Variants in CNTNAP4 observed in about 807,000 individuals in gnomAD.
The protein encoded by CNTNAP4 is contactin associated protein family member 4, also known as contactin-associated protein-like 4.
CNTNAP4 carries 98 observed loss-of-function variants against 148.4 expected under a neutral mutation model. That is an observed-to-expected ratio of 0.66 (90% CI 0.56 to 0.78). The LOEUF (loss-of-function observed/expected upper bound fraction) is 0.78. Among genes scored for constraint, CNTNAP4 ranks in the 30% least tolerant of loss-of-function variants. The pLI is 0.00. For missense variants in CNTNAP4, 1,935 were observed against 1,565.6 expected (o/e 1.24, Z -3.98); for synonymous variants, 730 against 565.1 (o/e 1.29, Z -4.14).
At position 76,467,627 on chromosome 16, in the gene CNTNAP4, T is replaced by A. The variant is rs192413694; in HGVS notation, c.1655+104T>A. The A allele has an allele frequency of 4.3e-6, 4 of 935,810 alleles. No individual in the cohort carries two copies. The Admixed American group carries it at 9.5e-5, about 22-fold the overall frequency. The allele number at this position is 935,810 out of a possible 1,614,324, so 58.0% of individuals were successfully genotyped here. A position where few individuals can be genotyped will look rare whatever the true frequency, so the allele number is the denominator to read the frequency against. Reference sequence around the variant, plus strand: ...TATTCTTTCCTCTTCCCCATTCTTATCTGTTCCACAGGAAATGAATTATAT... The same window carrying A: ...TATTCTTTCCTCTTCCCCATTCTTAACTGTTCCACAGGAAATGAATTATAT... On this transcript the variant is annotated intron_variant, in intron 10 of 23. Coordinates refer to ENST00000611870, the MANE Select transcript of CNTNAP4 (RefSeq NM_033401.5).
At chr16:76,359,040 CCTGT>C (rs1597311067) in intron 3 of CNTNAP4, among the ~76,000 whole-genome samples, 2 of 152,086 alleles carry the variant, frequency 1.3e-5, no homozygotes, top group African/African-American at 4.8e-5. Flanking sequence ...TGAATTGTGC[CCTGT>C]CTCTTGACTT....
intron 11 of CNTNAP4, among the ~76,000 whole-genome samples, chr16:76,476,309 T>G (rs963014218): frequency 6.6e-6 from 1 of 152,250 alleles, no homozygotes; most frequent in African/African-American, 2.4e-5. Context: ...TTTTGTTATC[T>G]TGTTCTGTTA....
intron 17 of CNTNAP4, among the ~76,000 whole-genome samples, chr16:76,525,638 C>T (rs925578164): frequency 7.4e-6 from 1 of 135,556 alleles, no homozygotes; most frequent in Non-Finnish European, 1.6e-5. Context: ...TTTATAACTA[C>T]ATATAAACTA....
chr16:76,353,643 C>T (rs891885228), intron 2 of CNTNAP4, among the ~76,000 whole-genome samples: 4 of 152,060 alleles, frequency 2.6e-5, no homozygotes, highest in Non-Finnish European at 5.9e-5. Context: ...CCAAGCCTAG[C>T]TAGCTAGCCC....
At chr16:76,485,684 G>A (rs979149642) in intron 12 of CNTNAP4, among the ~76,000 whole-genome samples, 8 of 152,280 alleles carry the variant, frequency 5.3e-5, no homozygotes, top group South Asian at 4.1e-4. Context: ...AGTACCCCAG[G>A]TGATTCTGAG....
Position 76,538,144 on chromosome 16 carries a change from A to C in CNTNAP4, c.3024A>C (p.Ser1008=). ...TTTCTGCATATTTTGGATCTGGCTC[A>C]TCCGTGATATACAATTTTCAAGAAA... ...NEISAYFGSG[S]SVIYNFQENY... is the part of the protein sequence containing the mutation. The change falls in exon 19 of 24, where the codon TCA becomes TCC. Residue 1008 remains serine (S), a synonymous_variant. Transcript: ENST00000611870. The C allele has an allele frequency of 6.4e-7, 1 of 1,561,492 alleles. No individual in the cohort carries two copies. Among genetic ancestry groups the C allele is most frequent in the Non-Finnish European group, 8.7e-7 (1 of 1,155,170 alleles).
In CNTNAP4 at chr16:76,447,340, A is replaced by G. The variant is rs531531517; in HGVS notation, c.539-672A>G. 8.1e-5 allele frequency among the ~76,000 whole-genome samples: 9 copies of G among 110,448 alleles called. No homozygotes were observed. In the South Asian group the frequency reaches 2.2e-3, roughly 28 times the overall value. The allele number at this position is 110,448 out of a possible 152,430, so 72.5% of individuals were successfully genotyped here. On this transcript the variant is annotated intron_variant, in intron 4 of 23. Transcript: ENST00000611870. ...AAAAATTATATATATGAAATTATGT[A>G]TATATATATATGAAATTATATATAT...
chr16:76,553,159 A>T, intron 21 of CNTNAP4, 124 bp from the exon 22 acceptor site: 2 of 589,244 alleles, frequency 3.4e-6, no homozygotes, highest in East Asian at 5.6e-5. Flanking sequence ...TTTAGTAAAG[A>T]TAAAATTAAA....
intron 2 of CNTNAP4, among the ~76,000 whole-genome samples, chr16:76,321,204 G>A (rs1483900065): frequency 6.6e-6 from 1 of 152,150 alleles, no homozygotes; most frequent in African/African-American, 2.4e-5. Context: ...TTAAAATCAA[G>A]CACTTATCTG....
At chr16:76,475,012 G>T (rs1440799824) in intron 10 of CNTNAP4, among the ~76,000 whole-genome samples, 1 of 152,088 alleles carries the variant, frequency 6.6e-6, no homozygotes, top group African/African-American at 2.4e-5. Context: ...TCAGACTCCA[G>T]AGCCAGGCGT....
intron 1 of CNTNAP4, among the ~76,000 whole-genome samples, chr16:76,311,407 A>G (rs1033776615): frequency 6.6e-6 from 1 of 152,124 alleles, no homozygotes; most frequent in African/African-American, 2.4e-5. Context: ...TTTCTGAGAT[A>G]TTGAACGGAA....
chr16:76,539,747 T>A lies in CNTNAP4; in HGVS notation c.3249T>A (p.Asn1083Lys), dbSNP rs557491130. The A allele has an allele frequency of 8.1e-6, 13 of 1,600,034 alleles. No homozygotes were observed. Among genetic ancestry groups the A allele is most frequent in the Middle Eastern group, 1.7e-4 (1 of 5,934 alleles). ...NGSLQIRYKL[N>K]KYQEPDVVNF... Reference sequence around the variant, plus strand: ...GTTTGCAGATCAGGTACAAGTTAAATAAATATCAAGAGCCTGATGTTGTTA... The same window carrying A: ...GTTTGCAGATCAGGTACAAGTTAAAAAAATATCAAGAGCCTGATGTTGTTA... The change falls in exon 20 of 24, where the codon AAT becomes AAA. Residue 1083 changes from asparagine (N) to lysine (K), a missense_variant. Asn to Lys is a moderately conservative substitution (Grantham distance 94). Transcript: ENST00000611870.
intron 3 of CNTNAP4, among the ~76,000 whole-genome samples, chr16:76,366,699 C>T (rs938230565): frequency 1.3e-5 from 2 of 152,002 alleles, no homozygotes; most frequent in African/African-American, 4.8e-5. Flanking sequence ...GAGGAATTGC[C>T]ATACTGCTTT....
intron 15 of CNTNAP4, among the ~76,000 whole-genome samples, chr16:76,499,167 A>G (rs2082528970): frequency 1.3e-5 from 2 of 149,836 alleles, no homozygotes; most frequent in Non-Finnish European, 2.9e-5. Flanking sequence ...TCCTGGATTC[A>G]CGCCATTCTC....
intron 3 of CNTNAP4, among the ~76,000 whole-genome samples, chr16:76,366,177 G>T (rs143861961): frequency 6.6e-6 from 1 of 152,182 alleles, no homozygotes; most frequent in East Asian, 1.9e-4. Flanking sequence ...AGGGATACAT[G>T]TGCAGGTTTG....
chr16:76,368,057 A>G (rs2014366684), intron 3 of CNTNAP4, among the ~76,000 whole-genome samples: 1 of 152,192 alleles, frequency 6.6e-6, no homozygotes, highest in Non-Finnish European at 1.5e-5. Flanking sequence ...AATTAGCTGC[A>G]AAGTATGAGA....
At chr16:76,326,559 C>T (rs1299456283) in intron 2 of CNTNAP4, among the ~76,000 whole-genome samples, 16 of 152,066 alleles carry the variant, frequency 1.1e-4, no homozygotes, top group Admixed American at 9.2e-4. Flanking sequence ...AAATGTCCAA[C>T]AATGATAGAC....
At position 76,489,786 on chromosome 16, in the gene CNTNAP4, C is replaced by T; in HGVS notation, c.1983C>T (p.Ala661=). ...NPYAGFFEYV[A]SMEQLQATIN... Reference sequence around the variant, plus strand: ...ATGCTGGGTTTTTCGAGTATGTGGCCAGCATGGAGCAACTTCAGGCCACTA... The same window carrying T: ...ATGCTGGGTTTTTCGAGTATGTGGCTAGCATGGAGCAACTTCAGGCCACTA... The change falls in exon 13 of 24, where the codon GCC becomes GCT. Residue 661 remains alanine (A), a synonymous_variant. Transcript: ENST00000611870. 2 of 1,605,574 alleles carry T rather than the reference C, an allele frequency of 1.2e-6. No homozygotes were observed. The highest frequency in any genetic ancestry group is 1.7e-6 in the Non-Finnish European group (2 of 1,175,708).
intron 1 of CNTNAP4, among the ~76,000 whole-genome samples, chr16:76,298,500 G>C (rs1441238121): frequency 2.0e-5 from 3 of 147,456 alleles, no homozygotes; most frequent in Non-Finnish European, 4.4e-5. Flanking sequence ...GTGTGTGTGT[G>C]TGTGTGTGTG....
Sources: allele counts gnomAD v4.1 joint callset (sites outside exome capture counted in the v4.1 genomes callset), GRCh38; gene constraint gnomAD v4.1.1; transcripts MANE v1.5; gene names NCBI Gene and HGNC (gene_info 2026-07-23, HGNC 2026-07-21).